The following DNMT1 variants were observed in gnomAD, a reference collection of about 807,000 sequenced individuals.
DNMT1 encodes DNA methyltransferase 1.
Under a neutral mutation model 205.3 loss-of-function variants are expected in DNMT1, and 24 were observed. The ratio of observed to expected loss-of-function variants is 0.12; its 90% CI spans 0.08 to 0.16. The LOEUF (loss-of-function observed/expected upper bound fraction) is 0.16, where lower values mean the gene tolerates loss of function less well. DNMT1 is among the 10% of genes least tolerant of loss of function. The pLI is 1.00. For synonymous variants in DNMT1, 817 were observed against 839.8 expected, an observed-to-expected ratio of 0.97 and a Z score of 0.47; for missense variants, 1,293 against 2,177.7, an observed-to-expected ratio of 0.59 and a Z score of 8.09.
In DNMT1 at chr19:10,159,925, G is replaced by A. The variant is rs1369347810; in HGVS notation, c.1090-3C>T. 1.9e-6 allele frequency: 3 copies of A among 1,614,108 alleles called. No individual in the cohort carries two copies. Among genetic ancestry groups the A allele is most frequent in the African/African-American group, 2.7e-5 (2 of 74,936 alleles). ...TGAATGCACTTGGGAGGGTGGGTCT[G>A]TGGGAGCAGGAACACAGATGATGGC... On this transcript the variant is annotated splice_region_variant and splice_polypyrimidine_tract_variant and intron_variant, in intron 15 of 40. Coordinates refer to ENST00000359526, the MANE Select transcript of DNMT1 (RefSeq NM_001130823.3). This position sits in a 1 kb window ranked among gnomAD's most constrained non-coding sequence, Gnocchi z 5.0.
At chr19:10,173,940 A>C in intron 7 of DNMT1, 35 bp from the exon 8 acceptor site, 1 of 1,608,508 alleles carries the variant, frequency 6.2e-7, no homozygotes, top group Non-Finnish European at 8.5e-7. Flanking sequence ...AAAAGATTAG[A>C]ATACTGGTTT....
rs117272508 is a variant in DNMT1, at chr19:10,176,935, T to C, written c.569+357A>G. Among the ~76,000 whole-genome samples, 889 of 152,228 alleles carry C rather than the reference T, an allele frequency of 5.8e-3. 18 individuals are homozygous for C. Among genetic ancestry groups the C allele is most frequent in the East Asian group, 0.034 (175 of 5,186 alleles). The stretch of plus-strand genomic sequence containing the variant: ...TAAAAAGTTGTCAAAAGAGATCTCA[T>C]TGTCTAGAAATATACTAAACTATAT... On this transcript the variant is annotated intron_variant, in intron 6 of 40. Coordinates refer to ENST00000359526, the MANE Select transcript of DNMT1 (RefSeq NM_001130823.3).
Position 10,133,844 on chromosome 19 carries a change from G to T in DNMT1, c.4865-143C>A. The T allele has an allele frequency of 1.0e-6, 1 of 953,956 alleles. No homozygotes were observed. Among genetic ancestry groups the T allele is most frequent in the South Asian group, 1.4e-5 (1 of 71,294 alleles). 59.1% of individuals were successfully genotyped at this position (953,956 alleles called of 1,614,324 possible). On this transcript the variant is annotated intron_variant, in intron 40 of 40. Coordinates refer to ENST00000359526, the MANE Select transcript of DNMT1 (RefSeq NM_001130823.3). This position sits in a 1 kb window ranked among gnomAD's most constrained non-coding sequence, Gnocchi z 4.1. ...GACCCAATAAGTGGCAGAGTGCTAA[G>T]GGAACGTTCACGGAGACTGAACACT...
rs1162989160 is a variant in DNMT1, at chr19:10,173,923, A to C, written c.649-18T>G. Reference sequence around the variant, plus strand: ...TTCTCATCCTGTGTGGAGGGAAGGAAGAACAAAAAAGATTAGAATACTGGT... The same window carrying C: ...TTCTCATCCTGTGTGGAGGGAAGGACGAACAAAAAAGATTAGAATACTGGT... On this transcript the variant is annotated intron_variant, in intron 7 of 40. Transcript: ENST00000359526. The C allele has an allele frequency of 6.2e-7, 1 of 1,613,232 alleles. No individual in the cohort carries two copies. The highest frequency in any genetic ancestry group is 1.1e-5 in the South Asian group (1 of 91,066).
At chr19:10,194,368 C>T (rs1162360582) in intron 1 of DNMT1, among the ~76,000 whole-genome samples, 1 of 152,156 alleles carries the variant, frequency 6.6e-6, no homozygotes, top group Non-Finnish European at 1.5e-5. Context: ...GACCCCCCAC[C>T]ACAGAAGCGC....
intron 29 of DNMT1, among the ~76,000 whole-genome samples, chr19:10,143,176 T>C (rs1477570901): frequency 6.6e-6 from 1 of 152,138 alleles, no homozygotes; most frequent in Non-Finnish European, 1.5e-5. Flanking sequence ...TGGACAGTCA[T>C]AGATGGAGCT....
At chr19:10,162,836 TC>T in intron 12 of DNMT1, 88 bp from the exon 13 acceptor site, 2 of 1,418,378 alleles carry the variant, frequency 1.4e-6, no homozygotes, top group Non-Finnish European at 9.9e-7. Flanking sequence ...AACTAATGCC[TC>T]CCCATGGGAA....
At chr19:10,162,866 G>A in intron 12 of DNMT1, 118 bp from the exon 13 acceptor site, 1 of 1,079,534 alleles carries the variant, frequency 9.3e-7, no homozygotes, top group Non-Finnish European at 1.4e-6. Context: ...ACCCATGGGA[G>A]CTCTATAGGC....
chr19:10,182,432 TATATATATAC>T (rs2039075431), intron 1 of DNMT1, among the ~76,000 whole-genome samples: 5 of 138,388 alleles, frequency 3.6e-5, no homozygotes, highest in Non-Finnish European at 6.2e-5. Context: ...TATATGTGTG[TATATATATAC>T]ATATATATGT....
At chr19:10,169,593 C>T (rs746433396) in intron 9 of DNMT1, among the ~76,000 whole-genome samples, 5 of 149,660 alleles carry the variant, frequency 3.3e-5, no homozygotes, top group Non-Finnish European at 7.4e-5. Flanking sequence ...ATAACCCCGT[C>T]TCTACTAAAA....
chr19:10,148,595 G>C (rs1347699036), intron 27 of DNMT1, among the ~76,000 whole-genome samples: 1 of 151,754 alleles, frequency 6.6e-6, no homozygotes, highest in African/African-American at 2.4e-5. Flanking sequence ...ACATGCAAGA[G>C]CTGGGCACAC....
rs1366778483 is a variant in DNMT1, at chr19:10,137,048, C to T, written c.4489+37G>A. The T allele has an allele frequency of 3.1e-6, 5 of 1,598,536 alleles. No homozygotes were observed. The highest frequency in any genetic ancestry group is 4.3e-6 in the Non-Finnish European group (5 of 1,173,232). ...AGGCCCAGGGCTCTGCCTTCCTTCC[C>T]CTCAGCCCACCGGGAACCACAACTT... is the stretch of plus-strand genomic sequence containing the variant. On this transcript the variant is annotated intron_variant, in intron 37 of 40. Coordinates refer to ENST00000359526, the MANE Select transcript of DNMT1 (RefSeq NM_001130823.3). This position sits in a 1 kb window ranked among gnomAD's most constrained non-coding sequence, Gnocchi z 6.4.
At chr19:10,160,487 T>G (rs2038546159) in intron 13 of DNMT1, 69 bp from the exon 14 acceptor site, 1 of 1,551,030 alleles carries the variant, frequency 6.4e-7, no homozygotes, top group Non-Finnish European at 8.9e-7. Context: ...TGCTTCGGTG[T>G]TAAGAACTTT....
At chr19:10,170,936 G>A (rs529652151) in intron 9 of DNMT1, among the ~76,000 whole-genome samples, 3 of 152,168 alleles carry the variant, frequency 2.0e-5, no homozygotes, top group Admixed American at 2.0e-4. Flanking sequence ...TGGAACTACA[G>A]GCACACTGCC....
intron 9 of DNMT1, among the ~76,000 whole-genome samples, chr19:10,171,133 A>G (rs1334526719): frequency 4.6e-5 from 7 of 152,054 alleles, no homozygotes; most frequent in African/African-American, 1.7e-4. Context: ...AAAAAACAAA[A>G]CAAACAGAAA....
Position 10,138,291 on chromosome 19 carries a change from G to C in DNMT1, c.4115+148C>G. ...GGGTCAGAACTGGAGACCACAGGTG[G>C]CAGAGTGCCATGTGGCAGAGCACCG... On this transcript the variant is annotated intron_variant, in intron 35 of 40. Coordinates refer to ENST00000359526, the MANE Select transcript of DNMT1 (RefSeq NM_001130823.3). This position sits in a 1 kb window ranked among gnomAD's most constrained non-coding sequence, Gnocchi z 4.1. The C allele has an allele frequency of 1.6e-6, 2 of 1,279,700 alleles. No homozygotes were observed. The highest frequency in any genetic ancestry group is 2.2e-6 in the Non-Finnish European group (2 of 911,882). The allele number at this position is 1,279,700 out of a possible 1,614,324, so 79.3% of individuals were successfully genotyped here. A position where few individuals can be genotyped will look rare whatever the true frequency, so the allele number is the denominator to read the frequency against.
In DNMT1 at chr19:10,138,209, C is replaced by A. The variant is rs368682710; in HGVS notation, c.4116-200G>T. On this transcript the variant is annotated intron_variant, in intron 35 of 40. Transcript: ENST00000359526. The surrounding 1 kb of genome is among the most constrained non-coding windows in gnomAD (Gnocchi z 4.1). Reference sequence around the variant, plus strand: ...GCGTGGGCTTTGTGGATGACCACAGCCAAGCATGCGGCTGGCCGCTCTGCA... The same window carrying A: ...GCGTGGGCTTTGTGGATGACCACAGACAAGCATGCGGCTGGCCGCTCTGCA... Among the ~76,000 whole-genome samples the A allele has an allele frequency of 1.3e-5, 2 of 152,238 alleles. No homozygotes were observed. Among genetic ancestry groups the A allele is most frequent in the African/African-American group, 4.8e-5 (2 of 41,460 alleles).
intron 28 of DNMT1, chr19:10,144,270 T>C: frequency 2.5e-6 from 1 of 395,982 alleles, no homozygotes; most frequent in South Asian, 2.1e-5. Flanking sequence ...TAGCCGGGTG[T>C]GGTGGTACAT....
At chr19:10,161,091 G>C (rs2038558509) in intron 13 of DNMT1, among the ~76,000 whole-genome samples, 1 of 152,124 alleles carries the variant, frequency 6.6e-6, no homozygotes, top group African/African-American at 2.4e-5. Context: ...TGGATCACGA[G>C]ATCAAGAGAT....
Sources: gnomAD v4.1 joint callset for allele counts (sites outside exome capture counted in the v4.1 genomes callset) on GRCh38, gnomAD v4.1.1 for gene constraint, Gnocchi (gnomAD v3.1) non-coding constraint, MANE v1.5 for transcripts, NCBI Gene and HGNC (gene_info 2026-07-23, HGNC 2026-07-21) for gene names.